The following XKR9 variants were observed in gnomAD, a reference collection of about 807,000 sequenced individuals.
XKR9 encodes the protein XK related 9, also known as XK-related protein 9.
Under a neutral mutation model 32.0 loss-of-function variants are expected in XKR9, and 32 were observed. The observed-to-expected ratio is 1.00, with a 90% CI of 0.76 to 1.34. XKR9 has a LOEUF of 1.34. Ranked by LOEUF, XKR9 falls within the 40% of genes most tolerant of loss-of-function variation. The pLI is 0.00. For missense variants in XKR9, 546 were observed against 429.7 expected, an observed-to-expected ratio of 1.27 and a Z score of -2.39; for synonymous variants, 168 against 143.4, an observed-to-expected ratio of 1.17 and a Z score of -1.22.
chr8:70,981,682 G>A, the XKR9 span, among the ~76,000 whole-genome samples: 1 of 152,116 alleles, frequency 6.6e-6, no homozygotes, highest in Non-Finnish European at 1.5e-5. Context: ...CATTGCTGGT[G>A]AGCTGGTATG....
At chr8:70,904,238 T>A in the XKR9 span, among the ~76,000 whole-genome samples, 1 of 152,150 alleles carries the variant, frequency 6.6e-6, no homozygotes, top group Non-Finnish European at 1.5e-5. Context: ...CCATTATTAT[T>A]GTGTGGGAGT....
intron 4 of XKR9, among the ~76,000 whole-genome samples, chr8:70,731,623 A>G (rs920821156): frequency 5.3e-5 from 8 of 152,158 alleles, no homozygotes; most frequent in Admixed American, 5.2e-4. Flanking sequence ...GCAAAGCTCA[A>G]ATTTTCTCCT....
the XKR9 span, among the ~76,000 whole-genome samples, chr8:70,847,923 T>C: frequency 8.5e-5 from 13 of 152,098 alleles, no homozygotes; most frequent in East Asian, 2.3e-3. Flanking sequence ...ACTCAAACTA[T>C]TGCAAAAAAT....
At chr8:70,755,520 C>T (rs1203399345) in intron 2 of XKR9, among the ~76,000 whole-genome samples, 1 of 152,016 alleles carries the variant, frequency 6.6e-6, no homozygotes, top group East Asian at 1.9e-4. Context: ...AAATGTCCAA[C>T]AATGATAGAC....
intron 4 of XKR9, among the ~76,000 whole-genome samples, chr8:70,721,248 C>A (rs1363674175): frequency 6.6e-6 from 1 of 152,090 alleles, no homozygotes; most frequent in Non-Finnish European, 1.5e-5. Flanking sequence ...TTTCAAAAAA[C>A]CACCTTCTGG....
chr8:70,858,511 T>A, the XKR9 span, among the ~76,000 whole-genome samples: 2 of 151,950 alleles, frequency 1.3e-5, no homozygotes, highest in Admixed American at 6.6e-5. Flanking sequence ...AAAAAAATCT[T>A]AAAATTGATA....
chr8:71,063,577 GA>G, the XKR9 span, among the ~76,000 whole-genome samples: 559 of 151,408 alleles, frequency 3.7e-3, 3 homozygotes, highest in Middle Eastern at 0.037. Flanking sequence ...AGAAAGAAAA[GA>G]AAAAAACTAT....
In XKR9 at chr8:70,733,947, G is replaced by T. The variant is rs200986901; in HGVS notation, c.645G>T (p.Ser215=). The T allele has an allele frequency of 1.2e-6, 2 of 1,612,620 alleles. No individual in the cohort carries two copies. The highest frequency in any genetic ancestry group is 1.1e-5 in the South Asian group (1 of 90,540). ...TTTACAAGTTGTTTACATTATTATCGTGGATGCTGAGTGTTGTACTTCTAC... is the reference window on the plus strand; with the variant it reads ...TTTACAAGTTGTTTACATTATTATCTTGGATGCTGAGTGTTGTACTTCTAC... ...YLFYKLFTLL[S]WMLSVVLLLF... The change falls in exon 5 of 5, where the codon TCG becomes TCT. Residue 215 remains serine (S), a synonymous_variant. Transcript: ENST00000408926.
At chr8:70,672,854 T>A (rs567627689) in intron 1 of XKR9, among the ~76,000 whole-genome samples, 1 of 152,230 alleles carries the variant, frequency 6.6e-6, no homozygotes, top group Non-Finnish European at 1.5e-5. Context: ...TGGCCATTTG[T>A]ATGTCTTCTT....
the XKR9 span, among the ~76,000 whole-genome samples, chr8:70,980,937 G>A: frequency 6.6e-6 from 1 of 152,120 alleles, no homozygotes; most frequent in Non-Finnish European, 1.5e-5. Context: ...GCTGATAATT[G>A]TTTCATTTAA....
At chr8:70,669,732 T>A (rs1246206831) in intron 1 of XKR9, among the ~76,000 whole-genome samples, 194 bp downstream of exon 1, 12 of 148,338 alleles carry the variant, frequency 8.1e-5, no homozygotes, top group African/African-American at 3.0e-4. Context: ...AGTGGCGCGA[T>A]CTCGGCTCAC....
chr8:70,879,451 C>A, the XKR9 span, among the ~76,000 whole-genome samples: 2 of 151,816 alleles, frequency 1.3e-5, no homozygotes, highest in Non-Finnish European at 2.9e-5. Context: ...ATCAAATAGA[C>A]AAAATAAAAA....
intron 2 of XKR9, among the ~76,000 whole-genome samples, chr8:70,776,947 C>CTCTCTATATATATATATATATATA: frequency 2.0e-4 from 11 of 54,206 alleles, no homozygotes; most frequent in African/African-American, 7.9e-4. Flanking sequence ...CTCTCTCTCT[C>CTCTCTATATATATATATATATATA]TATATATATA....
chr8:70,922,612 C>G, the XKR9 span, among the ~76,000 whole-genome samples: 4 of 152,362 alleles, frequency 2.6e-5, no homozygotes, highest in East Asian at 7.7e-4. Flanking sequence ...ACTCCCTCAA[C>G]TAGCTACTGG....
chr8:70,697,092 A>T (rs1165540436), intron 3 of XKR9, among the ~76,000 whole-genome samples: 1 of 151,036 alleles, frequency 6.6e-6, no homozygotes, highest in Non-Finnish European at 1.5e-5. Context: ...GGCTGAGACA[A>T]TGGGGTTTTC....
At chr8:70,803,238 T>C in the XKR9 span, among the ~76,000 whole-genome samples, 23 of 152,350 alleles carry the variant, frequency 1.5e-4, no homozygotes, top group African/African-American at 5.5e-4. Context: ...ATTTCTGCTG[T>C]TAATATTTGT....
Position 70,697,250 on chromosome 8 carries a change from C to A in XKR9, c.273-9683C>A, listed in dbSNP as rs199609688. On this transcript the variant is annotated intron_variant, in intron 3 of 4. Coordinates refer to ENST00000408926, the MANE Select transcript of XKR9 (RefSeq NM_001011720.2). ...ATAGGAGTAGTGAGAGAGGGCATCC[C>A]TGTCTTGTGCCAGTTTTCAAAGGGA... Among the ~76,000 whole-genome samples, 7 of 151,916 alleles carry A rather than the reference C, an allele frequency of 4.6e-5. No homozygotes were observed. The East Asian group carries it at 1.4e-3, about 29-fold the overall frequency.
chr8:71,033,835 A>G, the XKR9 span, among the ~76,000 whole-genome samples: 1 of 152,172 alleles, frequency 6.6e-6, no homozygotes, highest in African/African-American at 2.4e-5. Context: ...TTTCCAGCCA[A>G]CAGAATTGTG....
At chr8:70,788,936 G>A (rs182436434) in intron 2 of XKR9, among the ~76,000 whole-genome samples, 9 of 152,172 alleles carry the variant, frequency 5.9e-5, no homozygotes, top group East Asian at 1.9e-4. Flanking sequence ...TCCATATCCT[G>A]TTGTATGCTT....
Sources: allele counts gnomAD v4.1 joint callset (sites outside exome capture counted in the v4.1 genomes callset), GRCh38; gene constraint gnomAD v4.1.1; transcripts MANE v1.5; gene names NCBI Gene and HGNC (gene_info 2026-07-23, HGNC 2026-07-21).